CAMKMT: variants seen among roughly 807,000 people sequenced by gnomAD.
CAMKMT encodes calmodulin-lysine N-methyltransferase, also known as CaM KMT.
Under a neutral mutation model 48.0 loss-of-function variants are expected in CAMKMT, and 53 were observed. The ratio of observed to expected loss-of-function variants is 1.10; its 90% CI spans 0.89 to 1.39. CAMKMT has a LOEUF of 1.39. CAMKMT is among the 40% of genes most tolerant of loss of function. The probability of loss-of-function intolerance (pLI) is 0.00; values close to 1 mark genes in which losing one functional copy is unlikely to be tolerated. For synonymous variants in CAMKMT, 165 were observed against 152.3 expected (o/e 1.08, Z -0.61); for missense variants, 428 against 402.7 (o/e 1.06, Z -0.54).
At chr2:44,692,333 C>T (rs1039202388) in intron 3 of CAMKMT, among the ~76,000 whole-genome samples, 2 of 152,126 alleles carry the variant, frequency 1.3e-5, no homozygotes, top group Non-Finnish European at 2.9e-5. Context: ...ATCCCCACAG[C>T]ACCCCATGAG....
chr2:44,403,165 G>GC (rs1375370313), intron 3 of CAMKMT, among the ~76,000 whole-genome samples: 3 of 152,098 alleles, frequency 2.0e-5, no homozygotes, highest in Admixed American at 6.6e-5. Flanking sequence ...CCTTGAGCTG[G>GC]CCAGTTTATC....
At chr2:44,527,380 TA>T (rs1401684001) in intron 3 of CAMKMT, among the ~76,000 whole-genome samples, 1 of 143,204 alleles carries the variant, frequency 7.0e-6, no homozygotes, top group Non-Finnish European at 1.5e-5. Context: ...TACATACATA[TA>T]ATATATAATA....
chr2:44,406,255 C>T (rs952093898), intron 3 of CAMKMT, among the ~76,000 whole-genome samples: 2 of 151,994 alleles, frequency 1.3e-5, no homozygotes, highest in Non-Finnish European at 2.9e-5. Flanking sequence ...CCTAACCAAG[C>T]GCCTTTGTCA....
chr2:44,669,751 C>T (rs910905756), intron 3 of CAMKMT, among the ~76,000 whole-genome samples: 1 of 152,120 alleles, frequency 6.6e-6, no homozygotes, highest in African/African-American at 2.4e-5. Flanking sequence ...GATCCTCCCA[C>T]CTCAGCCTTC....
intron 3 of CAMKMT, among the ~76,000 whole-genome samples, chr2:44,603,587 T>G (rs1572899425): frequency 1.3e-5 from 2 of 152,344 alleles, no homozygotes; most frequent in African/African-American, 4.8e-5. Context: ...TTCTGCTTAC[T>G]TCACTAGAGT....
chr2:44,547,420 C>T (rs1306465154), intron 3 of CAMKMT, among the ~76,000 whole-genome samples: 1 of 151,916 alleles, frequency 6.6e-6, no homozygotes, highest in Non-Finnish European at 1.5e-5. Flanking sequence ...CTCCGAAGGC[C>T]GAGGCAGGAG....
intron 3 of CAMKMT, among the ~76,000 whole-genome samples, chr2:44,516,256 A>G (rs1221600442): frequency 6.6e-6 from 1 of 152,202 alleles, no homozygotes; most frequent in Non-Finnish European, 1.5e-5. Context: ...CGAGTTTTTT[A>G]GAAACACTTA....
intron 3 of CAMKMT, among the ~76,000 whole-genome samples, chr2:44,545,293 C>T (rs1667333835): frequency 6.6e-6 from 1 of 152,180 alleles, no homozygotes. Context: ...AAGTACTACA[C>T]TTAGCAAATA....
intron 3 of CAMKMT, among the ~76,000 whole-genome samples, chr2:44,541,984 C>T (rs530609434): frequency 7.2e-5 from 11 of 151,932 alleles, no homozygotes; most frequent in South Asian, 2.1e-4. Context: ...CAAATTAAAC[C>T]GGGCATGGTG....
chr2:44,426,725 T>C (rs1684301476), intron 3 of CAMKMT, among the ~76,000 whole-genome samples: 1 of 152,186 alleles, frequency 6.6e-6, no homozygotes, highest in Non-Finnish European at 1.5e-5. Context: ...GAAGAATCGA[T>C]ATCATTAAAA....
At chr2:44,694,815 A>T (rs996988704) in intron 3 of CAMKMT, among the ~76,000 whole-genome samples, 8 of 152,188 alleles carry the variant, frequency 5.3e-5, no homozygotes, top group African/African-American at 1.9e-4. Flanking sequence ...ATGACCATAG[A>T]TATGCAAGTA....
chr2:44,585,007 A>G lies in CAMKMT; in HGVS notation c.377-119276A>G, dbSNP rs922711291. On this transcript the variant is annotated intron_variant, in intron 3 of 10. Coordinates refer to ENST00000378494, the MANE Select transcript of CAMKMT (RefSeq NM_024766.5). ...GAGGCGGAGGTTGCAGTGAGCCGAG[A>G]TCGCACCACTGCACTCCAGCCTGGG... Among the ~76,000 whole-genome samples, 13 of 151,898 alleles carry G rather than the reference A, an allele frequency of 8.6e-5. 1 individual carries two copies. The highest frequency in any genetic ancestry group is 2.1e-4 in the South Asian group (1 of 4,796).
chr2:44,548,611 T>C (rs1321086012), intron 3 of CAMKMT, among the ~76,000 whole-genome samples: 1 of 152,192 alleles, frequency 6.6e-6, no homozygotes, highest in African/African-American at 2.4e-5. Context: ...TCTGAGTGGA[T>C]CTGACCTAAT....
At chr2:44,738,721 T>A (rs1679499869) in intron 7 of CAMKMT, among the ~76,000 whole-genome samples, 1 of 152,166 alleles carries the variant, frequency 6.6e-6, no homozygotes, top group Non-Finnish European at 1.5e-5. Flanking sequence ...ATAATTTAGT[T>A]ATATTGCACA....
intron 1 of CAMKMT, among the ~76,000 whole-genome samples, chr2:44,371,867 T>C (rs1263973023): frequency 6.6e-6 from 1 of 152,234 alleles, no homozygotes; most frequent in East Asian, 1.9e-4. Flanking sequence ...TCATAATTTT[T>C]CTTTATAATT....
At position 44,755,190 on chromosome 2, in the gene CAMKMT, G is replaced by A. The variant is rs73924546; in HGVS notation, c.762+1072G>A. Among the ~76,000 whole-genome samples, 911 of 152,240 alleles carry A rather than the reference G, an allele frequency of 6.0e-3. 11 individuals are homozygous for A. Among genetic ancestry groups the A allele is most frequent in the African/African-American group, 0.02 (846 of 41,538 alleles). ...AACTTAAAACAGGTGTCTTGGAGGA[G>A]TAGCCATAGCTTCGTAAGTGGTAGT... On this transcript the variant is annotated intron_variant, in intron 9 of 10. Coordinates refer to ENST00000378494, the MANE Select transcript of CAMKMT (RefSeq NM_024766.5).
chr2:44,637,648 C>G (rs1475645292), intron 3 of CAMKMT, among the ~76,000 whole-genome samples: 1 of 151,968 alleles, frequency 6.6e-6, no homozygotes, highest in African/African-American at 2.4e-5. Flanking sequence ...AAAAGGTGAA[C>G]CTCTCCCTAT....
At chr2:44,501,443 A>T (rs1268028592) in intron 3 of CAMKMT, among the ~76,000 whole-genome samples, 6 of 152,308 alleles carry the variant, frequency 3.9e-5, no homozygotes, top group African/African-American at 1.4e-4. Context: ...TCTATTTTAA[A>T]TGCTACGTGT....
chr2:44,443,135 A>G (rs1287092022), intron 3 of CAMKMT, among the ~76,000 whole-genome samples: 1 of 152,210 alleles, frequency 6.6e-6, no homozygotes, highest in Non-Finnish European at 1.5e-5. Flanking sequence ...CTCATTTCAC[A>G]TCAAAATCTA....
Sources: gnomAD v4.1 joint callset for allele counts (sites outside exome capture counted in the v4.1 genomes callset) on GRCh38, gnomAD v4.1.1 for gene constraint, MANE v1.5 for transcripts, NCBI Gene and HGNC (gene_info 2026-07-23, HGNC 2026-07-21) for gene names.